Variants in DCBLD2 observed in about 807,000 individuals in gnomAD.
DCBLD2 encodes discoidin, CUB and LCCL domain containing 2.
DCBLD2 carries 54 observed loss-of-function variants against 86.8 expected under a neutral mutation model. That is an observed-to-expected ratio of 0.62 (90% CI 0.50 to 0.78). The LOEUF (loss-of-function observed/expected upper bound fraction) is 0.78, where lower values mean the gene tolerates loss of function less well. DCBLD2 is among the 30% of genes least tolerant of loss of function. The probability of loss-of-function intolerance (pLI) is 0.00; values close to 1 mark genes in which losing one functional copy is unlikely to be tolerated. For missense variants in DCBLD2, 908 were observed against 954.2 expected (o/e 0.95, Z 0.64); for synonymous variants, 354 against 341.3 (o/e 1.04, Z -0.41).
intron 3 of DCBLD2, among the ~76,000 whole-genome samples, chr3:98,827,488 T>C (rs186658382): frequency 3.9e-5 from 6 of 152,152 alleles, no homozygotes; most frequent in African/African-American, 1.4e-4. Context: ...GAACAGGGCT[T>C]TGGTTGTAAG....
At chr3:98,874,434 C>T (rs190432314) in intron 2 of DCBLD2, among the ~76,000 whole-genome samples, 3 of 152,096 alleles carry the variant, frequency 2.0e-5, no homozygotes, top group African/African-American at 7.2e-5. Context: ...ATTAGGGAAC[C>T]CATTAATATA....
At chr3:98,897,042 C>A (rs1306406408) in intron 1 of DCBLD2, among the ~76,000 whole-genome samples, 1 of 152,192 alleles carries the variant, frequency 6.6e-6, no homozygotes, top group Non-Finnish European at 1.5e-5. Context: ...CCCTTTCCCA[C>A]ATACATGATC....
chr3:98,843,617 T>G (rs113062462), intron 3 of DCBLD2, among the ~76,000 whole-genome samples: 1 of 152,154 alleles, frequency 6.6e-6, no homozygotes, highest in African/African-American at 2.4e-5. Flanking sequence ...TGGCAAATAT[T>G]TGCAAAAATG....
At chr3:98,852,438 G>C (rs1942856647) in intron 2 of DCBLD2, among the ~76,000 whole-genome samples, 1 of 151,860 alleles carries the variant, frequency 6.6e-6, no homozygotes, top group Non-Finnish European at 1.5e-5. Context: ...TTAGAGACAG[G>C]GTTTCACCGT....
rs1287427256 is a variant in DCBLD2, at chr3:98,799,281, T to C, written c.*91A>G. 3 of 1,297,092 alleles carry C rather than the reference T, an allele frequency of 2.3e-6. No homozygotes were observed. The highest frequency in any genetic ancestry group is 4.6e-5 in the Admixed American group (2 of 43,248). The allele number at this position is 1,297,092 out of a possible 1,614,324, so 80.3% of individuals were successfully genotyped here. ...TCCCCAACCACTTCAGTGACAGTTA[T>C]GTAATACATTCTATATATTACTACC... On this transcript the variant is annotated 3_prime_UTR_variant, in exon 16 of 16. Coordinates refer to ENST00000326840, the MANE Select transcript of DCBLD2 (RefSeq NM_080927.4).
chr3:98,857,379 C>T (rs377188849), intron 2 of DCBLD2, among the ~76,000 whole-genome samples: 3 of 152,178 alleles, frequency 2.0e-5, no homozygotes, highest in African/African-American at 2.4e-5. Context: ...ACTGCTGGCT[C>T]GCCACTGCTG....
chr3:98,890,467 A>T (rs1943638793), intron 1 of DCBLD2: 2 of 152,168 alleles, frequency 1.3e-5, no homozygotes, highest in Admixed American at 6.6e-5. Context: ...CTGTGAGACA[A>T]TAAATTTAAG....
chr3:98,894,636 T>C (rs1160435020), intron 1 of DCBLD2, among the ~76,000 whole-genome samples: 3 of 152,050 alleles, frequency 2.0e-5, no homozygotes, highest in South Asian at 4.1e-4. Context: ...GGGAAGACTG[T>C]TAGGCTCTGA....
chr3:98,799,316 T>A lies in DCBLD2; in HGVS notation c.*56A>T, dbSNP rs369700069. The A allele has an allele frequency of 4.5e-6, 5 of 1,116,976 alleles. No homozygotes were observed. Among genetic ancestry groups the A allele is most frequent in the African/African-American group, 3.1e-5 (2 of 63,964 alleles). 69.2% of individuals were successfully genotyped at this position (1,116,976 alleles called of 1,614,324 possible). A position where few individuals can be genotyped will look rare whatever the true frequency, so the allele number is the denominator to read the frequency against. ...TCTATATATTACTACCACTAATAAT[T>A]AAAAAAAAAAGGCCATGTGCTTTAA... On this transcript the variant is annotated 3_prime_UTR_variant, in exon 16 of 16. Transcript: ENST00000326840.
intron 2 of DCBLD2, among the ~76,000 whole-genome samples, chr3:98,857,365 T>TGCCACTGCTGGCTC (rs939899733): frequency 2.0e-5 from 3 of 152,224 alleles, no homozygotes; most frequent in East Asian, 1.9e-4. Context: ...CAAGCTGGGT[T>TGCCACTGCTGGCTC]GCCACTGCTG....
chr3:98,811,116 T>A lies in DCBLD2; in HGVS notation c.1576+78A>T, dbSNP rs559038419. The A allele has an allele frequency of 1.6e-5, 23 of 1,428,604 alleles. No individual in the cohort carries two copies. The South Asian group carries it at 3.9e-4, about 24-fold the overall frequency. The allele number at this position is 1,428,604 out of a possible 1,614,324, so 88.5% of individuals were successfully genotyped here. ...TAGTTGGAAGAAAATAAACTGAAGG[T>A]TTAAAAATGCCCGTGAAAACTTCAG... On this transcript the variant is annotated intron_variant, in intron 12 of 15. Coordinates refer to ENST00000326840, the MANE Select transcript of DCBLD2 (RefSeq NM_080927.4).
intron 2 of DCBLD2, among the ~76,000 whole-genome samples, chr3:98,868,495 A>G (rs1158187881): frequency 6.6e-6 from 1 of 152,134 alleles, no homozygotes; most frequent in Non-Finnish European, 1.5e-5. Flanking sequence ...TAGGGGTACA[A>G]GTAGTTTTTG....
intron 1 of DCBLD2, among the ~76,000 whole-genome samples, chr3:98,894,432 G>A (rs1245245842): frequency 6.6e-6 from 1 of 152,194 alleles, no homozygotes; most frequent in Non-Finnish European, 1.5e-5. Flanking sequence ...ATGCAAAGGA[G>A]AAAGTGTGCC....
chr3:98,803,339 G>A (rs1344296572), intron 13 of DCBLD2, among the ~76,000 whole-genome samples: 2 of 151,860 alleles, frequency 1.3e-5, no homozygotes, highest in Non-Finnish European at 1.5e-5. Context: ...TCATGATTTG[G>A]CTCTCTGTCT....
At chr3:98,800,172 G>A (rs1941690936) in intron 15 of DCBLD2, among the ~76,000 whole-genome samples, 1 of 152,104 alleles carries the variant, frequency 6.6e-6, no homozygotes, top group Non-Finnish European at 1.5e-5. Flanking sequence ...GAAACATTCA[G>A]TTACTGGAAT....
chr3:98,860,164 A>C (rs1943014861), intron 2 of DCBLD2, among the ~76,000 whole-genome samples: 1 of 152,192 alleles, frequency 6.6e-6, no homozygotes, highest in Non-Finnish European at 1.5e-5. Flanking sequence ...CCAGAAGAGA[A>C]ATTTGGAGAA....
rs6440189 is a variant in DCBLD2, at chr3:98,867,520, T to C, written c.433+14020A>G. 2.0e-5 allele frequency among the ~76,000 whole-genome samples: 3 copies of C among 152,250 alleles called. No individual in the cohort carries two copies. The South Asian group carries it at 6.2e-4, about 32-fold the overall frequency. On this transcript the variant is annotated intron_variant, in intron 2 of 15. Coordinates refer to ENST00000326840, the MANE Select transcript of DCBLD2 (RefSeq NM_080927.4). Reference sequence around the variant, plus strand: ...AGAAGTATTAAAACTATAATCCAATTCAATTTTCTAGAAATAAAGGAAGAC... The same window carrying C: ...AGAAGTATTAAAACTATAATCCAATCCAATTTTCTAGAAATAAAGGAAGAC...
intron 2 of DCBLD2, among the ~76,000 whole-genome samples, chr3:98,857,728 T>G (rs1315207932): frequency 6.6e-6 from 1 of 151,094 alleles, no homozygotes; most frequent in African/African-American, 2.4e-5. Context: ...ACGTCCCCAC[T>G]AGAGTAGCTA....
intron 2 of DCBLD2, among the ~76,000 whole-genome samples, chr3:98,859,032 C>T (rs763202302): frequency 3.3e-5 from 5 of 152,248 alleles, no homozygotes; most frequent in Admixed American, 6.5e-5. Flanking sequence ...GCCCTAATAC[C>T]GCACTTTTCC....
Sources: gnomAD v4.1 joint callset for allele counts (sites outside exome capture counted in the v4.1 genomes callset) on GRCh38, gnomAD v4.1.1 for gene constraint, MANE v1.5 for transcripts, NCBI Gene and HGNC (gene_info 2026-07-23, HGNC 2026-07-21) for gene names.